SOX6: variants seen among roughly 807,000 people sequenced by gnomAD.
The protein encoded by SOX6 is SRY-box transcription factor 6.
Under a neutral mutation model 97.8 loss-of-function variants are expected in SOX6, and 11 were observed. The ratio of observed to expected loss-of-function variants is 0.11; its 90% CI spans 0.07 to 0.19. The LOEUF (loss-of-function observed/expected upper bound fraction) is 0.19, where lower values mean the gene tolerates loss of function less well. Among genes scored for constraint, SOX6 ranks in the 10% least tolerant of loss-of-function variants. SOX6 has a pLI of 1.00. For missense variants in SOX6, 810 were observed against 1,039.5 expected (o/e 0.78, Z 3.04); for synonymous variants, 360 against 371.4 (o/e 0.97, Z 0.35).
intron 1 of SOX6, among the ~76,000 whole-genome samples, chr11:16,383,122 T>C (rs755994964): frequency 1.3e-5 from 2 of 151,930 alleles, no homozygotes; most frequent in Non-Finnish European, 2.9e-5. Context: ...TAGAGACTTC[T>C]GTAACAATAA....
intron 6 of SOX6, among the ~76,000 whole-genome samples, chr11:16,174,738 T>C (rs1851138021): frequency 6.6e-6 from 1 of 151,976 alleles, no homozygotes; most frequent in African/African-American, 2.4e-5. Flanking sequence ...TGAACAACTT[T>C]ATTTTCAGCA....
intron 4 of SOX6, among the ~76,000 whole-genome samples, chr11:16,604,541 G>T (rs1848310680): frequency 6.6e-6 from 1 of 152,196 alleles, no homozygotes; most frequent in African/African-American, 2.4e-5. Context: ...ACCGGCGCCC[G>T]GGACGCGGAC....
intron 1 of SOX6, among the ~76,000 whole-genome samples, chr11:16,348,678 A>T (rs557732904): frequency 1.2e-3 from 177 of 152,252 alleles, no homozygotes; most frequent in African/African-American, 4.2e-3. Flanking sequence ...AACCTATATC[A>T]TTAAAGGGTA....
chr11:16,717,674 T>C (rs183320053), intron 2 of SOX6, among the ~76,000 whole-genome samples: 1 of 152,264 alleles, frequency 6.6e-6, no homozygotes, highest in East Asian at 1.9e-4. Context: ...CAATACACAC[T>C]ACCCTCTTTC....
At chr11:16,460,731 G>A (rs1195063945) in intron 1 of SOX6, among the ~76,000 whole-genome samples, 1 of 152,040 alleles carries the variant, frequency 6.6e-6, no homozygotes, top group African/African-American at 2.4e-5. Flanking sequence ...ATCTGAGAGA[G>A]TTTTAAAAGT....
At chr11:16,489,135 G>A (rs7109165) in intron 4 of SOX6, among the ~76,000 whole-genome samples, 26,208 of 152,034 alleles carry the variant, frequency 0.17, 2,308 homozygotes, top group African/African-American at 0.19. Context: ...TTGGGCATGG[G>A]ACAATAGGTA....
intron 2 of SOX6, among the ~76,000 whole-genome samples, chr11:16,333,151 G>T (rs1387075457): frequency 1.3e-5 from 2 of 152,092 alleles, no homozygotes; most frequent in Admixed American, 1.3e-4. Context: ...AATTAAAGAA[G>T]GTAGGTCTCA....
chr11:16,579,143 C>T (rs1161137024), intron 4 of SOX6, among the ~76,000 whole-genome samples: 2 of 152,040 alleles, frequency 1.3e-5, no homozygotes, highest in Non-Finnish European at 2.9e-5. Context: ...TCAGTAAATG[C>T]ATATGAACAT....
chr11:16,301,860 G>A (rs1031177874), intron 3 of SOX6, among the ~76,000 whole-genome samples: 8 of 151,976 alleles, frequency 5.3e-5, no homozygotes, highest in African/African-American at 1.9e-4. Flanking sequence ...TCAGTCAATC[G>A]TACTTCTGCC....
intron 7 of SOX6, among the ~76,000 whole-genome samples, chr11:16,110,553 CA>C (rs1017278008): frequency 4.6e-5 from 7 of 152,060 alleles, no homozygotes; most frequent in African/African-American, 7.2e-5. Flanking sequence ...CTCAGGTATC[CA>C]AAAACCTTTT....
chr11:16,220,519 G>C (rs1852505902), intron 4 of SOX6, among the ~76,000 whole-genome samples: 1 of 151,988 alleles, frequency 6.6e-6, no homozygotes, highest in Admixed American at 6.6e-5. Context: ...CTGTAAACTT[G>C]ACATTTATGA....
At chr11:16,037,745 G>A (rs1218266987) in intron 12 of SOX6, among the ~76,000 whole-genome samples, 1 of 152,094 alleles carries the variant, frequency 6.6e-6, no homozygotes, top group Non-Finnish European at 1.5e-5. Flanking sequence ...TCTCTCTAAA[G>A]GTCTCGCCCA....
At chr11:16,251,291 C>T (rs544446315) in intron 3 of SOX6, among the ~76,000 whole-genome samples, 5 of 152,096 alleles carry the variant, frequency 3.3e-5, no homozygotes, top group East Asian at 1.9e-4. Flanking sequence ...GAAATAGAAA[C>T]TGTAGTCTCA....
intron 6 of SOX6, among the ~76,000 whole-genome samples, chr11:16,123,787 T>C (rs1359142532): frequency 6.6e-6 from 1 of 152,070 alleles, no homozygotes; most frequent in South Asian, 2.1e-4. Flanking sequence ...AGCAATTTAA[T>C]TTTATACTTT....
At chr11:16,394,501 C>T (rs930076550) in intron 1 of SOX6, among the ~76,000 whole-genome samples, 2 of 151,876 alleles carry the variant, frequency 1.3e-5, no homozygotes, top group Admixed American at 6.6e-5. Context: ...CAAAGATTTA[C>T]ATAGAATACA....
chr11:16,322,708 A>T (rs1405154924), intron 2 of SOX6, among the ~76,000 whole-genome samples: 1 of 152,160 alleles, frequency 6.6e-6, no homozygotes, highest in East Asian at 1.9e-4. Flanking sequence ...ACCTTCCACA[A>T]TGAGGGGGCC....
chr11:16,207,377 C>T (rs928278339), intron 4 of SOX6, among the ~76,000 whole-genome samples: 4 of 152,060 alleles, frequency 2.6e-5, no homozygotes, highest in East Asian at 1.9e-4. Flanking sequence ...CCGAGGTGGG[C>T]GGATCATGAG....
chr11:16,252,682 G>A (rs947351656), intron 3 of SOX6: 1 of 152,102 alleles, frequency 6.6e-6, no homozygotes, highest in African/African-American at 2.4e-5. Flanking sequence ...CAGGAAAAAC[G>A]ATTTTTCCAG....
At chr11:16,656,230 A>C (rs996989500) in intron 3 of SOX6, among the ~76,000 whole-genome samples, 14 of 152,268 alleles carry the variant, frequency 9.2e-5, no homozygotes, top group Non-Finnish European at 1.8e-4. Flanking sequence ...GGCACATGCC[A>C]CCACGCCCAA....
Sources: allele counts gnomAD v4.1 joint callset (sites outside exome capture counted in the v4.1 genomes callset), GRCh38; gene constraint gnomAD v4.1.1; transcripts MANE v1.5; gene names NCBI Gene and HGNC (gene_info 2026-07-23, HGNC 2026-07-21).